FILIP1L: variants seen among roughly 807,000 people sequenced by gnomAD.
The protein encoded by FILIP1L is filamin A interacting protein 1 like.
In FILIP1L, 55 loss-of-function variants were observed where a neutral mutation model predicts 96.6. The observed-to-expected ratio is 0.57, with a 90% confidence interval of 0.46 to 0.71. The LOEUF is 0.71. Among genes scored for constraint, FILIP1L ranks in the 30% least tolerant of loss-of-function variants. The pLI is 0.00. For missense variants in FILIP1L, 1,304 were observed against 1,321.2 expected (o/e 0.99, Z 0.20); for synonymous variants, 467 against 473.9 (o/e 0.99, Z 0.19).
intron 1 of FILIP1L, among the ~76,000 whole-genome samples, chr3:100,057,494 C>T (rs2065485265): frequency 6.6e-6 from 1 of 152,186 alleles, no homozygotes; most frequent in Non-Finnish European, 1.5e-5. Context: ...ATTACATGTT[C>T]TTGGGTAACA....
At chr3:99,923,013 A>G (rs1370780206) in intron 4 of FILIP1L, among the ~76,000 whole-genome samples, 1 of 151,638 alleles carries the variant, frequency 6.6e-6, no homozygotes, top group Non-Finnish European at 1.5e-5. Flanking sequence ...GTGCTATTTG[A>G]CTGTTCACTC....
intron 1 of FILIP1L, among the ~76,000 whole-genome samples, chr3:100,010,778 A>ATTTTTTTTTTTTT (rs11371196): frequency 3.0e-4 from 28 of 93,646 alleles, no homozygotes; most frequent in South Asian, 4.0e-4. Flanking sequence ...CCACGCCCGG[A>ATTTTTTTTTTTTT]TTTTTTTTTT....
chr3:99,963,836 T>C (rs920163115), intron 1 of FILIP1L, among the ~76,000 whole-genome samples: 1 of 152,130 alleles, frequency 6.6e-6, no homozygotes, highest in Admixed American at 6.5e-5. Flanking sequence ...CAAGCTGGTC[T>C]TGAACTCCTC....
At chr3:99,952,252 T>C (rs1311472656) in intron 1 of FILIP1L, among the ~76,000 whole-genome samples, 2 of 152,152 alleles carry the variant, frequency 1.3e-5, no homozygotes, top group Admixed American at 6.5e-5. Flanking sequence ...AAAATTTGTC[T>C]CCTAAATCAA....
chr3:99,968,072 A>G (rs980194879), intron 1 of FILIP1L, among the ~76,000 whole-genome samples: 2 of 152,230 alleles, frequency 1.3e-5, no homozygotes, highest in Non-Finnish European at 2.9e-5. Flanking sequence ...GAAAACATGT[A>G]CAAAGAGATA....
intron 4 of FILIP1L, 103 bp downstream of exon 4, chr3:99,924,127 G>A: frequency 3.1e-6 from 3 of 970,070 alleles, no homozygotes; most frequent in Non-Finnish European, 4.7e-6. Context: ...AGATCTTTGA[G>A]AACAGAGACT....
intron 1 of FILIP1L, among the ~76,000 whole-genome samples, chr3:100,083,883 C>A (rs927705816): frequency 1.3e-5 from 2 of 151,966 alleles, no homozygotes; most frequent in African/African-American, 4.8e-5. Context: ...GTGATTCTTG[C>A]CATTGGAAGT....
intron 4 of FILIP1L, among the ~76,000 whole-genome samples, chr3:99,852,720 A>G (rs1445337582): frequency 1.3e-5 from 2 of 152,172 alleles, no homozygotes; most frequent in Non-Finnish European, 1.5e-5. Context: ...CTGAGATAAC[A>G]GGTGTGAGCC....
chr3:99,931,073 A>C, intron 1 of FILIP1L, 43 bp from the exon 2 acceptor site: 1 of 1,534,030 alleles, frequency 6.5e-7, no homozygotes, highest in Non-Finnish European at 8.9e-7. Flanking sequence ...ATGGAAATGG[A>C]GTTTTAATAA....
chr3:99,972,296 C>G (rs537233652), intron 1 of FILIP1L, among the ~76,000 whole-genome samples: 16 of 152,164 alleles, frequency 1.1e-4, no homozygotes, highest in Middle Eastern at 3.4e-3. Context: ...GTTCATTTGC[C>G]GAATTGACTT....
At position 99,884,838 on chromosome 3, in the gene FILIP1L, C is replaced by A. The variant is rs181688938; in HGVS notation, c.606-33768G>T. 3.9e-4 allele frequency among the ~76,000 whole-genome samples: 59 copies of A among 152,308 alleles called. 1 individual carries two copies. The highest frequency in any genetic ancestry group is 1.4e-3 in the African/African-American group (58 of 41,560). On this transcript the variant is annotated intron_variant, in intron 4 of 5. Transcript: ENST00000477258. ...CTGTTTACAGGTATAGATTTTGGTTCTTGTACTTTTGAAGCAGCTGAATAC... is the reference window on the plus strand; with the variant it reads ...CTGTTTACAGGTATAGATTTTGGTTATTGTACTTTTGAAGCAGCTGAATAC...
intron 4 of FILIP1L, among the ~76,000 whole-genome samples, chr3:99,891,461 C>T (rs1422999756): frequency 6.6e-6 from 1 of 152,292 alleles, no homozygotes. Flanking sequence ...CACTTTTATT[C>T]AGTCTTTGGC....
At chr3:99,845,836 T>C (rs571958845) in intron 5 of FILIP1L, among the ~76,000 whole-genome samples, 334 of 152,348 alleles carry the variant, frequency 2.2e-3, no homozygotes, top group South Asian at 0.012. Flanking sequence ...ATACAAATTA[T>C]TATACTGAAG....
intron 1 of FILIP1L, among the ~76,000 whole-genome samples, chr3:100,054,641 G>A (rs1238122801): frequency 1.3e-5 from 2 of 152,074 alleles, no homozygotes; most frequent in African/African-American, 4.8e-5. Context: ...TGCAGATGTG[G>A]CTCAAAGAAA....
At chr3:99,916,974 A>C (rs1706973082) in intron 4 of FILIP1L, among the ~76,000 whole-genome samples, 1 of 152,104 alleles carries the variant, frequency 6.6e-6, no homozygotes, top group Admixed American at 6.5e-5. Flanking sequence ...CTTGATTTTC[A>C]CTTATGAGGC....
At chr3:100,037,028 C>A (rs1257873609) in intron 1 of FILIP1L, among the ~76,000 whole-genome samples, 2 of 151,954 alleles carry the variant, frequency 1.3e-5, no homozygotes, top group Non-Finnish European at 2.9e-5. Context: ...TAAAAGAAAC[C>A]AAAGAGACAT....
chr3:99,878,458 CAT>C (rs1170525516), intron 4 of FILIP1L, among the ~76,000 whole-genome samples: 1 of 152,250 alleles, frequency 6.6e-6, no homozygotes, highest in Non-Finnish European at 1.5e-5. Context: ...TAGCCTTCTA[CAT>C]ATATAGTCTT....
chr3:99,958,807 C>A (rs1460174677), intron 1 of FILIP1L, among the ~76,000 whole-genome samples: 1 of 151,974 alleles, frequency 6.6e-6, no homozygotes, highest in East Asian at 1.9e-4. Context: ...AGAGAAGGGA[C>A]CAGAGGAGAT....
chr3:100,029,424 TAAA>T, intron 1 of FILIP1L, among the ~76,000 whole-genome samples: 1 of 101,718 alleles, frequency 9.8e-6, no homozygotes, highest in South Asian at 3.7e-4. Context: ...AATAAAAAGC[TAAA>T]TAGTCATTCA....
Sources: allele counts gnomAD v4.1 joint callset (sites outside exome capture counted in the v4.1 genomes callset), GRCh38; gene constraint gnomAD v4.1.1; transcripts MANE v1.5; gene names NCBI Gene and HGNC (gene_info 2026-07-23, HGNC 2026-07-21).